ADGRA3: variants seen among roughly 807,000 people sequenced by gnomAD.
ADGRA3 encodes adhesion G protein-coupled receptor A3.
ADGRA3 carries 56 observed loss-of-function variants against 119.8 expected under a neutral mutation model. The ratio of observed to expected loss-of-function variants is 0.47; its 90% CI spans 0.38 to 0.58. The LOEUF (loss-of-function observed/expected upper bound fraction) is 0.58, where lower values mean the gene tolerates loss of function less well. Ranked by LOEUF, ADGRA3 falls within the 20% of genes least tolerant of loss-of-function variation. ADGRA3 has a pLI of 0.00. For synonymous variants in ADGRA3, 607 were observed against 623.8 expected (o/e 0.97, Z 0.40); for missense variants, 1,516 against 1,649.0 (o/e 0.92, Z 1.40).
At chr4:22,437,680 G>C (rs1716449137) in intron 8 of ADGRA3, among the ~76,000 whole-genome samples, 1 of 152,104 alleles carries the variant, frequency 6.6e-6, no homozygotes, top group African/African-American at 2.4e-5. Context: ...AACTCCCTTT[G>C]CTTAGATTAA....
chr4:22,416,779 C>T (rs9999224), intron 12 of ADGRA3, among the ~76,000 whole-genome samples: 152,283 of 152,322 alleles, frequency 1, 76,122 homozygotes, highest in Middle Eastern at 1. Context: ...CAAGAAATGA[C>T]TGTTACCACA....
At chr4:22,414,309 T>G in intron 12 of ADGRA3, 1 of 302,406 alleles carries the variant, frequency 3.3e-6, no homozygotes, top group Non-Finnish European at 6.1e-6. Context: ...ATAATAGAGG[T>G]TTAGATTCAG....
At chr4:22,421,649 ATAG>A (rs1715687167) in intron 11 of ADGRA3, among the ~76,000 whole-genome samples, 1 of 152,124 alleles carries the variant, frequency 6.6e-6, no homozygotes, top group Non-Finnish European at 1.5e-5. Flanking sequence ...GTTAATTTAA[ATAG>A]TAGGAAATGG....
At chr4:22,488,256 ATACT>A (rs1718503668) in intron 1 of ADGRA3, among the ~76,000 whole-genome samples, 2 of 152,140 alleles carry the variant, frequency 1.3e-5, no homozygotes, top group African/African-American at 4.8e-5. Context: ...TACACCTAAA[ATACT>A]TACTAGCCAG....
intron 14 of ADGRA3, among the ~76,000 whole-genome samples, chr4:22,411,478 A>C (rs1715195558): frequency 6.6e-6 from 1 of 152,126 alleles, no homozygotes; most frequent in Non-Finnish European, 1.5e-5. Context: ...GCCTGCCTGT[A>C]ATCCCAGCTA....
chr4:22,499,155 T>C (rs116388082), intron 1 of ADGRA3, among the ~76,000 whole-genome samples: 25 of 152,328 alleles, frequency 1.6e-4, no homozygotes, highest in African/African-American at 5.8e-4. Context: ...CTTGCTATTA[T>C]AATGCAATAT....
intron 12 of ADGRA3, 55 bp from the exon 13 acceptor site, chr4:22,413,869 G>A (rs1400171926): frequency 1.7e-6 from 2 of 1,161,010 alleles, no homozygotes; most frequent in African/African-American, 1.6e-5. Flanking sequence ...ATAGAAACCA[G>A]AAAAAAATAT....
chr4:22,413,027 G>T (rs1399570016), intron 14 of ADGRA3, among the ~76,000 whole-genome samples, 155 bp downstream of exon 14: 1 of 137,704 alleles, frequency 7.3e-6, no homozygotes, highest in Non-Finnish European at 1.5e-5. Context: ...ATCAAAATTA[G>T]AACACATATC....
At chr4:22,455,299 C>A (rs570849092) in intron 3 of ADGRA3, among the ~76,000 whole-genome samples, 2 of 152,248 alleles carry the variant, frequency 1.3e-5, no homozygotes, top group African/African-American at 4.8e-5. Context: ...TATGCTGGGG[C>A]AGTTGGAGAA....
chr4:22,502,914 CAGTA>C, intron 1 of ADGRA3, among the ~76,000 whole-genome samples: 1 of 111,696 alleles, frequency 9.0e-6, no homozygotes, highest in South Asian at 2.9e-4. Context: ...AAAAAAAAAA[CAGTA>C]AGAAAAATGA....
rs142600202 is a variant in ADGRA3, at chr4:22,452,229, T to C, written c.473+2637A>G. ...CCATTTAGAAAATCCACAATAGGAA[T>C]GATAGACAGTGGAAAATCACATGCA... On this transcript the variant is annotated intron_variant, in intron 4 of 18. Coordinates refer to ENST00000334304, the MANE Select transcript of ADGRA3 (RefSeq NM_145290.4). Among the ~76,000 whole-genome samples, 499 of 152,194 alleles carry C rather than the reference T, an allele frequency of 3.3e-3. 3 individuals are homozygous for C. The highest frequency in any genetic ancestry group is 0.011 in the African/African-American group (477 of 41,548).
chr4:22,413,075 T>TAAAA (rs74406494), intron 14 of ADGRA3, 107 bp downstream of exon 14: 247 of 727,598 alleles, frequency 3.4e-4, no homozygotes, highest in South Asian at 1.1e-3. Flanking sequence ...ATGTTAAAAG[T>TAAAA]AAAAAAAAAA....
intron 4 of ADGRA3, among the ~76,000 whole-genome samples, chr4:22,448,850 A>AT (rs897987303): frequency 6.6e-6 from 1 of 152,204 alleles, no homozygotes; most frequent in African/African-American, 2.4e-5. Flanking sequence ...GTATTTGCAA[A>AT]TTGAAAGGAG....
chr4:22,454,511 A>C (rs1417676608), intron 4 of ADGRA3, among the ~76,000 whole-genome samples: 1 of 152,168 alleles, frequency 6.6e-6, no homozygotes, highest in African/African-American at 2.4e-5. Context: ...AGATCTCTGC[A>C]AATCTTCTGG....
chr4:22,449,358 T>C (rs1253655611), intron 4 of ADGRA3, among the ~76,000 whole-genome samples: 1 of 152,012 alleles, frequency 6.6e-6, no homozygotes, highest in Non-Finnish European at 1.5e-5. Flanking sequence ...CCATTTTAAA[T>C]ATATGATTAC....
intron 18 of ADGRA3, 37 bp from the exon 19 acceptor site, chr4:22,388,984 T>G (rs749081755): frequency 4.4e-6 from 7 of 1,606,014 alleles, no homozygotes; most frequent in Non-Finnish European, 6.0e-6. Context: ...CGATGCTACA[T>G]GTTTCAACAA....
intron 9 of ADGRA3, 84 bp downstream of exon 9, chr4:22,436,355 TA>T (rs377154836): frequency 0.06 from 50,609 of 840,834 alleles, 12 homozygotes; most frequent in Middle Eastern, 0.065. Context: ...TGCCTAGTAT[TA>T]AAAAAAAAAA....
chr4:22,387,411 A>T lies in ADGRA3; in HGVS notation c.*294T>A, dbSNP rs1426173971. 3.5e-6 allele frequency: 1 copy of T among 289,096 alleles called. No homozygotes were observed. The highest frequency in any genetic ancestry group is 2.2e-5 in the African/African-American group (1 of 45,936). 17.9% of individuals were successfully genotyped at this position (289,096 alleles called of 1,614,324 possible). A position where few individuals can be genotyped will look rare whatever the true frequency, so the allele number is the denominator to read the frequency against. The stretch of plus-strand genomic sequence containing the variant: ...CAAACACCTATTTATTATATTAAAT[A>T]CAAGCCTGAAATATTAAGTACAAAT... On this transcript the variant is annotated 3_prime_UTR_variant, in exon 19 of 19. Transcript: ENST00000334304.
In ADGRA3 at chr4:22,436,625, C is replaced by A. The variant is rs866442647; in HGVS notation, c.1102G>T (p.Ala368Ser). The change falls in exon 9 of 19, where the codon GCA becomes TCA. Residue 368 changes from alanine to serine, a missense_variant. Coordinates refer to ENST00000334304, the MANE Select transcript of ADGRA3 (RefSeq NM_145290.4). ...KGDFRWPRTLAGITAYLQCTR... is the reference protein window; with the variant it reads ...KGDFRWPRTLSGITAYLQCTR... Reference sequence around the variant, plus strand: ...CACTGCAGATATGCAGTAATGCCTGCCAATGTTCTGGGCCATCTAGAGATG... The same window carrying A: ...CACTGCAGATATGCAGTAATGCCTGACAATGTTCTGGGCCATCTAGAGATG... The A allele has an allele frequency of 1.2e-6, 2 of 1,613,798 alleles. No individual in the cohort carries two copies. Among genetic ancestry groups the A allele is most frequent in the Non-Finnish European group, 1.7e-6 (2 of 1,179,926 alleles).
Sources: allele counts gnomAD v4.1 joint callset (sites outside exome capture counted in the v4.1 genomes callset), GRCh38; gene constraint gnomAD v4.1.1; transcripts MANE v1.5; gene names NCBI Gene and HGNC (gene_info 2026-07-23, HGNC 2026-07-21).